The following DNAI7 variants were observed in gnomAD, a reference collection of about 807,000 sequenced individuals.
The protein encoded by DNAI7 is cancer susceptibility 1.
Under a neutral mutation model 86.6 loss-of-function variants are expected in DNAI7, and 78 were observed. That is an observed-to-expected ratio of 0.90 (90% CI 0.75 to 1.09). The LOEUF (loss-of-function observed/expected upper bound fraction) is 1.09, where lower values mean the gene tolerates loss of function less well. Among genes scored for constraint, DNAI7 ranks in the 50% least tolerant of loss-of-function variants. The pLI, the probability that DNAI7 is intolerant of heterozygous loss-of-function variation, is 0.00. For synonymous variants in DNAI7, 274 were observed against 273.0 expected, an observed-to-expected ratio of 1.00 and a Z score of -0.04; for missense variants, 753 against 810.2, an observed-to-expected ratio of 0.93 and a Z score of 0.86.
intron 2 of DNAI7, among the ~76,000 whole-genome samples, chr12:25,186,686 G>A (rs989767499): frequency 6.6e-6 from 1 of 152,096 alleles, no homozygotes; most frequent in Admixed American, 6.6e-5. Context: ...AGTCCCAAGG[G>A]CAAAGAATCA....
chr12:25,189,543 G>A (rs1184181410), intron 2 of DNAI7, among the ~76,000 whole-genome samples: 1 of 149,388 alleles, frequency 6.7e-6, no homozygotes, highest in East Asian at 1.9e-4. Flanking sequence ...TCAAGAGGCT[G>A]AGGTGGGAGA....
rs766815633 is a variant in DNAI7, at chr12:25,155,321, A to G, written c.290T>C (p.Leu97Ser). ...AGAAATCAGTCCTACCTGAGAAAGC[A>G]ATTTAGTTTCCTGTTTCAATTTCTC... ...EAEKLKQETK[L>S]LSQWKHYIQC... The change falls in exon 5 of 16, where the codon TTG (leucine) becomes TCG (serine). Residue 97 changes from leucine (L) to serine (S), a missense_variant. Leu to Ser is a moderately radical substitution (Grantham distance 145, BLOSUM62 -2). Transcript: ENST00000395987. 14 of 1,586,932 alleles carry G rather than the reference A, an allele frequency of 8.8e-6. No homozygotes were observed. The highest frequency in any genetic ancestry group is 1.2e-5 in the Non-Finnish European group (14 of 1,158,290).
intron 9 of DNAI7, among the ~76,000 whole-genome samples, chr12:25,140,778 T>C (rs1036640920): frequency 3.3e-5 from 5 of 151,472 alleles, no homozygotes; most frequent in African/African-American, 7.3e-5. Flanking sequence ...AAAGAACAAA[T>C]CTGGAGGCAT....
intron 15 of DNAI7, among the ~76,000 whole-genome samples, chr12:25,109,060 T>C (rs1949540191): frequency 6.6e-6 from 1 of 152,118 alleles, no homozygotes; most frequent in Non-Finnish European, 1.5e-5. Context: ...TGAGTGCCTA[T>C]CATGTGTGAG....
intron 8 of DNAI7, among the ~76,000 whole-genome samples, chr12:25,145,131 G>A (rs1200043322): frequency 3.9e-5 from 6 of 152,080 alleles, no homozygotes; most frequent in Non-Finnish European, 7.4e-5. Flanking sequence ...GACTTTAAGC[G>A]GTCTAAAAAT....
chr12:25,126,340 C>T (rs2200402), intron 9 of DNAI7, among the ~76,000 whole-genome samples: 103,970 of 151,910 alleles, frequency 0.68, 39,625 homozygotes, highest in East Asian at 0.99. Flanking sequence ...TCAGTAGGAA[C>T]CTAATGTGAA....
intron 13 of DNAI7, among the ~76,000 whole-genome samples, chr12:25,112,460 G>A (rs1246137986): frequency 1.5e-5 from 2 of 134,590 alleles, no homozygotes; most frequent in Non-Finnish European, 3.0e-5. Context: ...AGGCTGGAGT[G>A]CAGTGGTGTG....
chr12:25,164,289 C>A (rs1479076418), intron 2 of DNAI7, among the ~76,000 whole-genome samples: 3 of 151,984 alleles, frequency 2.0e-5, no homozygotes, highest in Non-Finnish European at 4.4e-5. Context: ...ATCCCCCAAC[C>A]CTTCTCTCCG....
intron 7 of DNAI7, among the ~76,000 whole-genome samples, chr12:25,147,870 T>C (rs1047229690): frequency 6.6e-6 from 1 of 152,214 alleles, no homozygotes; most frequent in Admixed American, 6.5e-5. Flanking sequence ...ATCTAGCTTA[T>C]AAAATCCAGA....
chr12:25,140,395 C>A (rs1417537967), intron 9 of DNAI7, among the ~76,000 whole-genome samples: 1 of 152,060 alleles, frequency 6.6e-6, no homozygotes, highest in African/African-American at 2.4e-5. Flanking sequence ...CTGCTATATA[C>A]CAACAGTGAC....
intron 11 of DNAI7, among the ~76,000 whole-genome samples, chr12:25,120,719 C>T (rs192387443): frequency 6.6e-6 from 1 of 151,638 alleles, no homozygotes; most frequent in Admixed American, 6.6e-5. Flanking sequence ...AGCGAGACTC[C>T]GTCTCAAAAA....
At chr12:25,168,639 T>C (rs1292377886) in intron 2 of DNAI7, among the ~76,000 whole-genome samples, 1 of 152,176 alleles carries the variant, frequency 6.6e-6, no homozygotes, top group African/African-American at 2.4e-5. Flanking sequence ...ATGAAGAGTG[T>C]TGTTTTTACC....
chr12:25,132,995 ATC>A (rs1281403136), intron 9 of DNAI7, among the ~76,000 whole-genome samples: 1 of 152,146 alleles, frequency 6.6e-6, no homozygotes, highest in Non-Finnish European at 1.5e-5. Context: ...TTTGAATCCA[ATC>A]TCTTTTTCGT....
At chr12:25,193,987 A>T (rs1052724009) in intron 1 of DNAI7, among the ~76,000 whole-genome samples, 1 of 151,934 alleles carries the variant, frequency 6.6e-6, no homozygotes, top group African/African-American at 2.4e-5. Context: ...ACGCCCGGCT[A>T]ATTTTTGTAT....
chr12:25,168,558 A>G (rs1947760999), intron 2 of DNAI7, among the ~76,000 whole-genome samples: 1 of 152,212 alleles, frequency 6.6e-6, no homozygotes, highest in Admixed American at 6.5e-5. Flanking sequence ...CTTTAGCTGC[A>G]GTTGTCCTCC....
chr12:25,174,664 A>G (rs113580538), intron 2 of DNAI7, among the ~76,000 whole-genome samples: 19,934 of 119,820 alleles, frequency 0.17, 3,964 homozygotes, highest in Middle Eastern at 0.21. Context: ...TATCATATAT[A>G]TGGAATATAT....
At chr12:25,168,020 G>A (rs765705602) in intron 2 of DNAI7, among the ~76,000 whole-genome samples, 9 of 152,162 alleles carry the variant, frequency 5.9e-5, no homozygotes, top group South Asian at 2.1e-4. Context: ...AAGGTTGGTC[G>A]TAGACACTCG....
intron 12 of DNAI7, among the ~76,000 whole-genome samples, chr12:25,117,915 A>AACTATTT (rs1378990069): frequency 2.0e-5 from 3 of 149,702 alleles, no homozygotes; most frequent in Middle Eastern, 3.5e-3. Flanking sequence ...TGATTTGCTA[A>AACTATTT]ACTATTTTGA....
At chr12:25,178,113 A>G (rs901150722) in intron 2 of DNAI7, among the ~76,000 whole-genome samples, 3 of 152,116 alleles carry the variant, frequency 2.0e-5, no homozygotes, top group Admixed American at 6.5e-5. Context: ...TTATCCATTT[A>G]ACTCAAAATG....
Sources: gnomAD v4.1 joint callset for allele counts (sites outside exome capture counted in the v4.1 genomes callset) on GRCh38, gnomAD v4.1.1 for gene constraint, MANE v1.5 for transcripts, NCBI Gene and HGNC (gene_info 2026-07-23, HGNC 2026-07-21) for gene names.